The following SLC6A11 variants were observed in gnomAD, a reference collection of about 807,000 sequenced individuals.
SLC6A11 encodes solute carrier family 6 member 11, also known as sodium- and chloride-dependent GABA transporter 3.
Under a neutral mutation model 74.8 loss-of-function variants are expected in SLC6A11, and 25 were observed. The ratio of observed to expected loss-of-function variants is 0.33; its 90% CI spans 0.24 to 0.47. The LOEUF is 0.47. SLC6A11 is among the 20% of genes least tolerant of loss of function. The probability of loss-of-function intolerance (pLI) is 1.00; values close to 1 mark genes in which losing one functional copy is unlikely to be tolerated. For synonymous variants in SLC6A11, 330 were observed against 330.2 expected, an observed-to-expected ratio of 1.00 and a Z score of 0.01; for missense variants, 574 against 837.0, an observed-to-expected ratio of 0.69 and a Z score of 3.88.
chr3:10,860,304 T>C (rs1205726144), intron 5 of SLC6A11, among the ~76,000 whole-genome samples: 1 of 152,222 alleles, frequency 6.6e-6, no homozygotes, highest in East Asian at 1.9e-4. Flanking sequence ...GTCCCTTCCA[T>C]TCCGGCAGTG....
intron 4 of SLC6A11, among the ~76,000 whole-genome samples, chr3:10,826,624 T>C (rs1694213148): frequency 6.6e-6 from 1 of 152,250 alleles, no homozygotes. Context: ...TGTCTGGTTT[T>C]ACTTATCATT....
intron 6 of SLC6A11, among the ~76,000 whole-genome samples, chr3:10,911,559 A>G (rs1695388807): frequency 6.6e-6 from 1 of 152,166 alleles, no homozygotes; most frequent in African/African-American, 2.4e-5. Context: ...GAGGTCAGCT[A>G]TGCAAATGTA....
chr3:10,847,153 G>A (rs951575346), intron 5 of SLC6A11, among the ~76,000 whole-genome samples: 1 of 152,168 alleles, frequency 6.6e-6, no homozygotes, highest in Non-Finnish European at 1.5e-5. Flanking sequence ...GGCATGGAGG[G>A]ATACAATAAT....
chr3:10,916,936 G>A (rs1452040538), intron 7 of SLC6A11, among the ~76,000 whole-genome samples: 2 of 152,112 alleles, frequency 1.3e-5, no homozygotes, highest in Non-Finnish European at 2.9e-5. Flanking sequence ...AAGGCAACAG[G>A]GTGTTAACAA....
In SLC6A11 at chr3:10,918,306, T is replaced by G. The variant is rs1234239846; in HGVS notation, c.996-23T>G. 2 of 1,568,534 alleles carry G rather than the reference T, an allele frequency of 1.3e-6. No individual in the cohort carries two copies. ...CCGGTTCTGCCCGCTCTGACCCTAG[T>G]GCCTCTCGCTGCTTCCCCACAGGGA... On this transcript the variant is annotated intron_variant, in intron 7 of 13. Coordinates refer to ENST00000254488, the MANE Select transcript of SLC6A11 (RefSeq NM_014229.3). The surrounding 1 kb of genome is among the most constrained non-coding windows in gnomAD (Gnocchi z 4.5).
chr3:10,929,210 T>C lies in SLC6A11; in HGVS notation c.1242T>C (p.Cys414=). 1.2e-6 allele frequency: 2 copies of C among 1,614,022 alleles called. No individual in the cohort carries two copies. The highest frequency in any genetic ancestry group is 1.7e-6 in the Non-Finnish European group (2 of 1,179,964). The part of the protein sequence containing the change: ...IFLGLDSQFV[C]VESLVTAVVD... ...CATATCTCCCCATCCAGTTTGTGTG[T>C]GTGGAAAGCCTGGTGACCGCCGTGG... The change falls in exon 10 of 14, where the codon TGT becomes TGC. Residue 414 remains cysteine, a synonymous_variant. Transcript: ENST00000254488.
At chr3:10,869,517 A>C (rs1227108662) in intron 5 of SLC6A11, among the ~76,000 whole-genome samples, 1 of 152,190 alleles carries the variant, frequency 6.6e-6, no homozygotes, top group East Asian at 1.9e-4. Flanking sequence ...GTGGCCGAGG[A>C]GCTGGGGATG....
intron 5 of SLC6A11, among the ~76,000 whole-genome samples, chr3:10,850,121 A>T (rs566646560): frequency 6.6e-6 from 1 of 152,300 alleles, no homozygotes; most frequent in East Asian, 1.9e-4. Context: ...TGATGGTCTA[A>T]TTTATTAAAA....
At chr3:10,878,384 T>C (rs751677437) in intron 6 of SLC6A11, among the ~76,000 whole-genome samples, 11 of 150,268 alleles carry the variant, frequency 7.3e-5, no homozygotes, top group Non-Finnish European at 1.3e-4. Context: ...CCAACTTGAC[T>C]GACCAACCAT....
At position 10,938,513 on chromosome 3, in the gene SLC6A11, GATTA is replaced by G. The variant is rs1470188977; in HGVS notation, c.*117_*120del. 3.4e-6 allele frequency: 4 copies of G among 1,183,448 alleles called. No individual in the cohort carries two copies. The highest frequency in any genetic ancestry group is 5.0e-5 in the Admixed American group (2 of 39,902). 73.3% of individuals were successfully genotyped at this position (1,183,448 alleles called of 1,614,324 possible). ...GTAGGGGCTTGCTTGTTTTGCACAGGATTAATTAACAAGTTAATTTTAAGGTGGC... is the reference window on the plus strand; with the variant it reads ...GTAGGGGCTTGCTTGTTTTGCACAGGATTAACAAGTTAATTTTAAGGTGGC... On this transcript the variant is annotated 3_prime_UTR_variant, in exon 14 of 14. Coordinates refer to ENST00000254488, the MANE Select transcript of SLC6A11 (RefSeq NM_014229.3).
At chr3:10,850,937 C>T (rs929560908) in intron 5 of SLC6A11, among the ~76,000 whole-genome samples, 1 of 152,162 alleles carries the variant, frequency 6.6e-6, no homozygotes, top group Non-Finnish European at 1.5e-5. Context: ...AGACACCTCT[C>T]AGGGTTTCAT....
At chr3:10,832,732 A>G (rs3774130) in intron 4 of SLC6A11, among the ~76,000 whole-genome samples, 34,321 of 152,110 alleles carry the variant, frequency 0.23, 5,555 homozygotes, top group African/African-American at 0.46. Flanking sequence ...GTCAAAGCAT[A>G]CAAGTTCCCA....
chr3:10,920,461 G>T (rs1430722763), intron 8 of SLC6A11, among the ~76,000 whole-genome samples: 2 of 152,172 alleles, frequency 1.3e-5, no homozygotes, highest in Non-Finnish European at 2.9e-5. Flanking sequence ...AGCATGAGGA[G>T]CTTACCCCTC....
intron 5 of SLC6A11, 62 bp from the exon 6 acceptor site, chr3:10,874,899 G>T: frequency 6.6e-7 from 1 of 1,512,002 alleles, no homozygotes; most frequent in South Asian, 1.3e-5. Flanking sequence ...ACATTGTGCT[G>T]AGTGAAGTAA....
intron 7 of SLC6A11, 150 bp downstream of exon 7, chr3:10,912,343 A>T (rs1695398456): frequency 1.6e-6 from 1 of 627,648 alleles, no homozygotes; most frequent in Admixed American, 2.8e-5. Context: ...CGAAGGGTCA[A>T]AGAGTGGGCC....
At chr3:10,835,353 AT>A (rs1157335393) in intron 4 of SLC6A11, among the ~76,000 whole-genome samples, 1 of 152,124 alleles carries the variant, frequency 6.6e-6, no homozygotes, top group Non-Finnish European at 1.5e-5. Flanking sequence ...ACCACGTGGG[AT>A]CCACGTTCTG....
chr3:10,901,725 C>A (rs532323068), intron 6 of SLC6A11, among the ~76,000 whole-genome samples: 1 of 152,336 alleles, frequency 6.6e-6, no homozygotes, highest in African/African-American at 2.4e-5. Context: ...CTCTCCCAGA[C>A]TCCCCTTTCC....
At chr3:10,840,126 C>T (rs994272089) in intron 4 of SLC6A11, among the ~76,000 whole-genome samples, 1 of 152,180 alleles carries the variant, frequency 6.6e-6, no homozygotes, top group East Asian at 1.9e-4. Flanking sequence ...CTGTCATCCA[C>T]AGAAAGCAGC....
chr3:10,908,821 G>A (rs1695345975), intron 6 of SLC6A11, among the ~76,000 whole-genome samples: 2 of 150,482 alleles, frequency 1.3e-5, no homozygotes, highest in South Asian at 4.3e-4. Context: ...AAGGATTTGG[G>A]CTCATACCCT....
Sources: allele counts gnomAD v4.1 joint callset (sites outside exome capture counted in the v4.1 genomes callset), GRCh38; gene constraint gnomAD v4.1.1; non-coding constraint Gnocchi (gnomAD v3.1); transcripts MANE v1.5; gene names NCBI Gene and HGNC (gene_info 2026-07-23, HGNC 2026-07-21).